The following MCPH1 variants were observed in gnomAD, a reference collection of about 807,000 sequenced individuals.
MCPH1 encodes the protein microcephalin.
Under a neutral mutation model 84.5 loss-of-function variants are expected in MCPH1, and 104 were observed. The observed-to-expected ratio is 1.23, with a 90% CI of 1.05 to 1.45. The LOEUF (loss-of-function observed/expected upper bound fraction) is 1.45, where lower values mean the gene tolerates loss of function less well. Among genes scored for constraint, MCPH1 ranks in the 40% most tolerant of loss-of-function variants. MCPH1 has a pLI of 0.00. For synonymous variants in MCPH1, 514 were observed against 366.8 expected, an observed-to-expected ratio of 1.40 and a Z score of -4.58; for missense variants, 1,498 against 1,005.7, an observed-to-expected ratio of 1.49 and a Z score of -6.62.
chr8:6,564,469 T>G (rs1233566756), intron 12 of MCPH1, among the ~76,000 whole-genome samples: 1 of 152,206 alleles, frequency 6.6e-6, no homozygotes, highest in East Asian at 1.9e-4. Flanking sequence ...TATGGCTCTG[T>G]AAGTTCTGCA....
chr8:6,483,175 A>G (rs1190948971), intron 11 of MCPH1, among the ~76,000 whole-genome samples: 1 of 152,238 alleles, frequency 6.6e-6, no homozygotes, highest in African/African-American at 2.4e-5. Context: ...TTAAAGCTCA[A>G]AGAACTAAAT....
chr8:6,505,366 T>TAA (rs1307026825), intron 12 of MCPH1, among the ~76,000 whole-genome samples: 2 of 79,704 alleles, frequency 2.5e-5, no homozygotes, highest in African/African-American at 1.1e-4. Flanking sequence ...TATATGTATA[T>TAA]AGAATATATA....
At chr8:6,425,425 G>A (rs1204576029) in intron 3 of MCPH1, among the ~76,000 whole-genome samples, 2 of 152,300 alleles carry the variant, frequency 1.3e-5, no homozygotes, top group East Asian at 3.9e-4. Context: ...CAGCTTTAAT[G>A]TGTTACCACG....
intron 9 of MCPH1, among the ~76,000 whole-genome samples, chr8:6,476,837 A>G (rs918701547): frequency 1.3e-5 from 2 of 152,186 alleles, no homozygotes; most frequent in African/African-American, 4.8e-5. Flanking sequence ...ATGTGAATTC[A>G]TTTTTGTTTA....
At position 6,427,050 on chromosome 8, in the gene MCPH1, A is replaced by C. The variant is rs139629775; in HGVS notation, c.234-4449A>C. 2.0e-5 allele frequency among the ~76,000 whole-genome samples: 3 copies of C among 152,360 alleles called. No individual in the cohort carries two copies. The East Asian group carries it at 5.8e-4, about 29-fold the overall frequency. On this transcript the variant is annotated intron_variant, in intron 3 of 13. Transcript: ENST00000344683. ...ACTGCACACCTAGGCTCTGTGGCAC[A>C]ACCTGTTGCTCCTAGGCATAAACCT... is the stretch of plus-strand genomic sequence containing the variant.
chr8:6,473,763 T>C, intron 9 of MCPH1: 1 of 768,630 alleles, frequency 1.3e-6, no homozygotes, highest in Non-Finnish European at 1.9e-6. Flanking sequence ...AATAAAGCGT[T>C]CCTGATACTT....
In MCPH1 at chr8:6,542,147, G is replaced by T. The variant is rs146639056; in HGVS notation, c.2214+42218G>T. The stretch of plus-strand genomic sequence containing the variant: ...TTTTAAATGAAACTAGAGCGTTCTT[G>T]CCTTTCTGAATTTAAGGCACACTGA... On this transcript the variant is annotated intron_variant, in intron 12 of 13. Coordinates refer to ENST00000344683, the MANE Select transcript of MCPH1 (RefSeq NM_024596.5). Among the ~76,000 whole-genome samples the T allele has an allele frequency of 2.6e-5, 4 of 152,178 alleles. No homozygotes were observed. The East Asian group carries it at 5.8e-4, about 22-fold the overall frequency.
Position 6,539,045 on chromosome 8 carries a change from G to A in MCPH1, c.2214+39116G>A, listed in dbSNP as rs950498898. ...GAGTTGGGCTTGTGTGTGTGTGTGT[G>A]TGTGTTTATTCTGGAGATTTTGCTG... On this transcript the variant is annotated intron_variant, in intron 12 of 13. Coordinates refer to ENST00000344683, the MANE Select transcript of MCPH1 (RefSeq NM_024596.5). 2.6e-5 allele frequency among the ~76,000 whole-genome samples: 4 copies of A among 152,222 alleles called. No individual in the cohort carries two copies. The East Asian group carries it at 7.7e-4, about 29-fold the overall frequency.
intron 13 of MCPH1, chr8:6,626,482 T>TTG: frequency 1.0e-6 from 1 of 983,720 alleles, no homozygotes; most frequent in Non-Finnish European, 1.2e-6. Context: ...TTGTTTTTTT[T>TTG]TTTTTTTTTG....
chr8:6,578,164 C>G (rs987422770), intron 12 of MCPH1, among the ~76,000 whole-genome samples: 1 of 152,212 alleles, frequency 6.6e-6, no homozygotes, highest in Non-Finnish European at 1.5e-5. Flanking sequence ...TGGACATGGT[C>G]TATGAGAGGA....
intron 12 of MCPH1, among the ~76,000 whole-genome samples, chr8:6,600,948 T>TAA (rs1308204515): frequency 6.6e-6 from 1 of 152,124 alleles, no homozygotes; most frequent in African/African-American, 2.4e-5. Flanking sequence ...TCAGAATCGC[T>TAA]AAACACAGCA....
At chr8:6,413,243 G>A (rs1210835996) in intron 2 of MCPH1, among the ~76,000 whole-genome samples, 1 of 117,906 alleles carries the variant, frequency 8.5e-6, no homozygotes, top group Non-Finnish European at 1.7e-5. Context: ...CCAGACTGCT[G>A]TTGATAAGAC....
Position 6,504,207 on chromosome 8 carries a change from A to C in MCPH1, c.2214+4278A>C, listed in dbSNP as rs1812782567. Reference sequence around the variant, plus strand: ...GTGGCGGACGCCTGTAGTCCCAGCTACTCGGGAGGCTGAGGCAGGAGAATG... The same window carrying C: ...GTGGCGGACGCCTGTAGTCCCAGCTCCTCGGGAGGCTGAGGCAGGAGAATG... On this transcript the variant is annotated intron_variant, in intron 12 of 13. Transcript: ENST00000344683. 2.0e-5 allele frequency among the ~76,000 whole-genome samples: 3 copies of C among 150,008 alleles called. No homozygotes were observed. In the Admixed American group the frequency reaches 2.0e-4, roughly 10 times the overall value.
chr8:6,558,244 G>A (rs1413918134), intron 12 of MCPH1, among the ~76,000 whole-genome samples: 1 of 152,170 alleles, frequency 6.6e-6, no homozygotes, highest in Admixed American at 6.5e-5. Context: ...AAATCTCTGA[G>A]TGCTAATCTC....
At chr8:6,450,711 AT>A (rs1254243820) in intron 8 of MCPH1, among the ~76,000 whole-genome samples, 1 of 151,962 alleles carries the variant, frequency 6.6e-6, no homozygotes, top group Non-Finnish European at 1.5e-5. Flanking sequence ...AGCATCTAAT[AT>A]TGGGCTGGAT....
chr8:6,473,966 G>T, intron 9 of MCPH1: 1 of 1,225,696 alleles, frequency 8.2e-7, no homozygotes, highest in Non-Finnish European at 1.2e-6. Context: ...GGATGCCGTG[G>T]CTTCTTCATA....
intron 2 of MCPH1, among the ~76,000 whole-genome samples, chr8:6,411,065 G>A (rs1211328780): frequency 1.3e-5 from 2 of 152,104 alleles, no homozygotes; most frequent in African/African-American, 4.8e-5. Context: ...ACTCCAGCCT[G>A]GGCGACGGAG....
At chr8:6,408,891 C>T (rs370036961) in intron 1 of MCPH1, among the ~76,000 whole-genome samples, 2 of 77,196 alleles carry the variant, frequency 2.6e-5, no homozygotes, top group Non-Finnish European at 3.9e-5. Context: ...TTACTTTTTT[C>T]TTTTTTTTTT....
chr8:6,513,317 TTTTTTC>T (rs1375309641), intron 12 of MCPH1, among the ~76,000 whole-genome samples: 1 of 151,998 alleles, frequency 6.6e-6, no homozygotes. Flanking sequence ...TTTTAATTTT[TTTTTTC>T]TTTTTCTTTT....
Sources: gnomAD v4.1 joint callset for allele counts (sites outside exome capture counted in the v4.1 genomes callset) on GRCh38, gnomAD v4.1.1 for gene constraint, MANE v1.5 for transcripts, NCBI Gene and HGNC (gene_info 2026-07-23, HGNC 2026-07-21) for gene names.